The following CIB1 variants were observed in gnomAD, a reference collection of about 807,000 sequenced individuals.
The protein encoded by CIB1 is calcium and integrin binding 1.
CIB1 carries 19 observed loss-of-function variants against 25.0 expected under a neutral mutation model. That is an observed-to-expected ratio of 0.76 (90% CI 0.53 to 1.12). The LOEUF (loss-of-function observed/expected upper bound fraction) is 1.12, where lower values mean the gene tolerates loss of function less well. Among genes scored for constraint, CIB1 ranks in the 50% most tolerant of loss-of-function variants. The pLI, the probability that CIB1 is intolerant of heterozygous loss-of-function variation, is 0.00. For synonymous variants in CIB1, 104 were observed against 98.5 expected, an observed-to-expected ratio of 1.06 and a Z score of -0.33; for missense variants, 236 against 242.6, an observed-to-expected ratio of 0.97 and a Z score of 0.18.
the CIB1 span, chr15:90,242,123 C>G: frequency 1.4e-6 from 2 of 1,399,878 alleles, no homozygotes; most frequent in East Asian, 2.3e-5. Flanking sequence ...GGGTCTCACT[C>G]TGTCCCCAGG....
At chr15:90,251,029 C>A in the CIB1 span, 23 of 1,148,956 alleles carry the variant, frequency 2.0e-5, no homozygotes, top group Non-Finnish European at 2.8e-5. Context: ...TGTCATTAAC[C>A]CTTTGATACA....
the CIB1 span, chr15:90,242,111 T>C: frequency 6.8e-7 from 1 of 1,474,692 alleles, no homozygotes; most frequent in Admixed American, 1.9e-5. Context: ...TCTTTTGAGA[T>C]AGGGTCTCAC....
chr15:90,252,034 C>T, the CIB1 span, among the ~76,000 whole-genome samples: 2 of 116,418 alleles, frequency 1.7e-5, no homozygotes, highest in East Asian at 5.1e-4. Flanking sequence ...CCACTATGCT[C>T]ACCTAATTCT....
the CIB1 span, chr15:90,245,495 A>G: frequency 6.6e-6 from 1 of 151,998 alleles, no homozygotes; most frequent in African/African-American, 2.4e-5. Context: ...AAAGAAAAAA[A>G]CAGTTTACCA....
At chr15:90,235,821 G>A (rs1567070942), upstream of CIB1, among the ~76,000 whole-genome samples, 1 of 152,028 alleles carries the variant, frequency 6.6e-6, no homozygotes, top group African/African-American at 2.4e-5. Flanking sequence ...GCCCACCTCG[G>A]CCTCTCAAAG....
the CIB1 span, among the ~76,000 whole-genome samples, chr15:90,259,622 T>C: frequency 6.6e-6 from 1 of 152,230 alleles, no homozygotes; most frequent in African/African-American, 2.4e-5. Flanking sequence ...GCACCCTGGT[T>C]AGCAACGTAT....
chr15:90,236,466 T>C (rs1962638974), upstream of CIB1, among the ~76,000 whole-genome samples: 1 of 152,262 alleles, frequency 6.6e-6, no homozygotes, highest in African/African-American at 2.4e-5. Flanking sequence ...TTCATTTTGC[T>C]TCCTGATTCA....
the CIB1 span, chr15:90,262,914 G>GT: frequency 2.6e-6 from 4 of 1,511,562 alleles, no homozygotes; most frequent in Non-Finnish European, 3.5e-6. Flanking sequence ...CTGGGTGATG[G>GT]TTTGGGACTT....
At chr15:90,232,537 G>T in intron 2 of CIB1, 1 of 620,636 alleles carries the variant, frequency 1.6e-6, no homozygotes, top group Non-Finnish European at 2.5e-6. Flanking sequence ...TATTTACTGA[G>T]CATTTACTAT....
At chr15:90,256,711 T>G in the CIB1 span, among the ~76,000 whole-genome samples, 1 of 151,494 alleles carries the variant, frequency 6.6e-6, no homozygotes. Flanking sequence ...TTTCTTTCGA[T>G]GGAGTCTCTC....
chr15:90,241,864 G>A, the CIB1 span: 1 of 1,614,214 alleles, frequency 6.2e-7, no homozygotes, highest in Non-Finnish European at 8.5e-7. Context: ...CGGAAGTCCA[G>A]CTTTGGGATA....
chr15:90,262,408 G>C, the CIB1 span: 1 of 1,361,914 alleles, frequency 7.3e-7, no homozygotes, highest in Non-Finnish European at 9.6e-7. Flanking sequence ...GTAATTTCCT[G>C]CTCTTTCCTC....
At chr15:90,258,920 G>C in the CIB1 span, 17 of 1,614,200 alleles carry the variant, frequency 1.1e-5, no homozygotes, top group African/African-American at 1.1e-4. Flanking sequence ...ACAGCCACGA[G>C]AATCTAGGTG....
Position 90,231,401 on chromosome 15 carries a change from G to A in CIB1, c.302C>T (p.Thr101Ile). The change falls in exon 4 of 7, where the codon ACA becomes ATA. Residue 101 changes from threonine to isoleucine, a missense_variant. Physicochemically the swap from Thr to Ile is moderately conservative, Grantham distance 89. Coordinates refer to ENST00000328649, the MANE Select transcript of CIB1 (RefSeq NM_006384.4). ...FLDLLSVFSD[T>I]ATPDIKSHYA... ...ATGGGACTTGATGTCTGGCGTGGCT[G>A]TGTCACTGAACACACTGAGGAGATC... 1 of 1,614,218 alleles carries A rather than the reference G, an allele frequency of 6.2e-7. No homozygotes were observed. Among genetic ancestry groups the A allele is most frequent in the Non-Finnish European group, 8.5e-7 (1 of 1,180,026 alleles).
chr15:90,265,084 G>C, the CIB1 span: 3 of 1,347,230 alleles, frequency 2.2e-6, no homozygotes, highest in Non-Finnish European at 3.0e-6. Flanking sequence ...GCCCTGCCCA[G>C]GAACCCCATT....
At chr15:90,253,143 C>T in the CIB1 span, 1 of 737,598 alleles carries the variant, frequency 1.4e-6, no homozygotes, top group South Asian at 2.2e-5. Flanking sequence ...CCTCCCTCTT[C>T]AACCTGCCCT....
chr15:90,262,577 G>A, the CIB1 span: 2 of 1,534,920 alleles, frequency 1.3e-6, no homozygotes, highest in South Asian at 1.2e-5. Context: ...CCAGAACCAG[G>A]GTGAATCAGC....
chr15:90,263,635 A>T, the CIB1 span: 2 of 598,422 alleles, frequency 3.3e-6, no homozygotes, highest in African/African-American at 1.9e-5. Context: ...ATCTGGTTAA[A>T]TAGTGGCCGC....
At chr15:90,251,145 G>T in the CIB1 span, among the ~76,000 whole-genome samples, 3 of 120,396 alleles carry the variant, frequency 2.5e-5, no homozygotes, top group African/African-American at 3.4e-5. Context: ...ACAGAGTCTC[G>T]CTCTGTCGCC....
Sources: allele counts gnomAD v4.1 joint callset (sites outside exome capture counted in the v4.1 genomes callset), GRCh38; gene constraint gnomAD v4.1.1; transcripts MANE v1.5; gene names NCBI Gene and HGNC (gene_info 2026-07-23, HGNC 2026-07-21).